The following BLTP1 variants were observed in gnomAD, a reference collection of about 807,000 sequenced individuals.
BLTP1 encodes fragile site-associated protein.
the BLTP1 span, among the ~76,000 whole-genome samples, chr4:122,230,887 T>C: frequency 8.5e-5 from 13 of 152,290 alleles, no homozygotes; most frequent in African/African-American, 3.1e-4. Flanking sequence ...GATTTTGCTG[T>C]ATTTTTTTAA....
chr4:122,182,788 T>C, the BLTP1 span: 1 of 985,250 alleles, frequency 1.0e-6, no homozygotes, highest in Non-Finnish European at 1.2e-6. Context: ...ATGCATCTGC[T>C]CTACCAAATC....
At chr4:122,200,548 C>CA in the BLTP1 span, 1 of 952,376 alleles carries the variant, frequency 1.1e-6, no homozygotes, top group Middle Eastern at 5.7e-4. Flanking sequence ...CACTGCACTC[C>CA]AGCTTGGGCA....
At chr4:122,175,086 A>C in the BLTP1 span, 1 of 957,592 alleles carries the variant, frequency 1.0e-6, no homozygotes, top group Non-Finnish European at 1.2e-6. Context: ...ACAAATATGA[A>C]TATAATAAGG....
the BLTP1 span, chr4:122,208,271 G>A: frequency 1.6e-6 from 1 of 640,260 alleles, no homozygotes; most frequent in Non-Finnish European, 1.9e-6. Flanking sequence ...TATACATTAG[G>A]AAAGTGAGGA....
At chr4:122,278,171 A>T in the BLTP1 span, among the ~76,000 whole-genome samples, 2 of 152,152 alleles carry the variant, frequency 1.3e-5, no homozygotes, top group Middle Eastern at 3.2e-3. Flanking sequence ...GGAATTAAAG[A>T]TATAAAAAAA....
the BLTP1 span, chr4:122,316,537 T>A: frequency 1.5e-6 from 1 of 645,712 alleles, no homozygotes; most frequent in East Asian, 4.3e-5. Context: ...CAGAGCACAC[T>A]CATGGGGAAA....
At chr4:122,156,528 C>T in the BLTP1 span, among the ~76,000 whole-genome samples, 1 of 152,138 alleles carries the variant, frequency 6.6e-6, no homozygotes, top group South Asian at 2.1e-4. Flanking sequence ...CTTAAGAAAT[C>T]GTTGATGACC....
chr4:122,342,518 G>A, the BLTP1 span, among the ~76,000 whole-genome samples: 7 of 151,970 alleles, frequency 4.6e-5, no homozygotes, highest in Non-Finnish European at 1.0e-4. Flanking sequence ...ACCACGCCCG[G>A]CTAGTTTTTG....
the BLTP1 span, chr4:122,357,027 A>G: frequency 1.0e-6 from 1 of 984,050 alleles, no homozygotes; most frequent in South Asian, 4.7e-5. Flanking sequence ...CTTGAAAAAT[A>G]GGAAAATGTG....
the BLTP1 span, among the ~76,000 whole-genome samples, chr4:122,267,345 C>T: frequency 6.6e-6 from 1 of 151,982 alleles, no homozygotes; most frequent in Admixed American, 6.5e-5. Flanking sequence ...AGGCGTGAGC[C>T]ATCGTGCCCA....
chr4:122,295,653 C>G, the BLTP1 span, among the ~76,000 whole-genome samples: 2 of 152,080 alleles, frequency 1.3e-5, no homozygotes, highest in African/African-American at 4.8e-5. Flanking sequence ...AAGAAAACTT[C>G]AGGCCAATAT....
the BLTP1 span, chr4:122,325,686 TAGC>T: frequency 1.0e-6 from 1 of 965,454 alleles, no homozygotes; most frequent in South Asian, 1.7e-5. Flanking sequence ...TATTTATAGA[TAGC>T]AGAAATTAGA....
At chr4:122,271,347 T>C in the BLTP1 span, 1 of 1,613,826 alleles carries the variant, frequency 6.2e-7, no homozygotes, top group South Asian at 1.1e-5. Context: ...ACACCTACCT[T>C]CAAAACCAGA....
the BLTP1 span, chr4:122,182,944 T>G: frequency 1.0e-6 from 1 of 978,256 alleles, no homozygotes; most frequent in African/African-American, 1.7e-5. Context: ...CTTGGGTCAC[T>G]TATTCTTGAC....
the BLTP1 span, among the ~76,000 whole-genome samples, chr4:122,233,380 G>A: frequency 1.3e-5 from 2 of 152,204 alleles, no homozygotes; most frequent in African/African-American, 4.8e-5. Context: ...GAGGCTCAGA[G>A]ATGTTAACTT....
chr4:122,343,648 G>A, the BLTP1 span: 1 of 1,599,022 alleles, frequency 6.3e-7, no homozygotes. Context: ...CAGATTTACA[G>A]CATCTTTTCA....
chr4:122,218,556 C>A, the BLTP1 span, among the ~76,000 whole-genome samples: 1 of 152,098 alleles, frequency 6.6e-6, no homozygotes, highest in Non-Finnish European at 1.5e-5. Context: ...TTGTCAATAA[C>A]CAAAGTGCAG....
At chr4:122,177,312 T>A in the BLTP1 span, among the ~76,000 whole-genome samples, 2 of 152,150 alleles carry the variant, frequency 1.3e-5, no homozygotes, top group African/African-American at 2.4e-5. Flanking sequence ...TCCAACTACT[T>A]CTCCCCACAC....
chr4:122,314,761 T>A, the BLTP1 span, among the ~76,000 whole-genome samples: 2 of 152,146 alleles, frequency 1.3e-5, no homozygotes, highest in Non-Finnish European at 2.9e-5. Flanking sequence ...AAATAAATCT[T>A]CGTCAGGACT....
Sources: gnomAD v4.1 joint callset for allele counts (sites outside exome capture counted in the v4.1 genomes callset) on GRCh38, gnomAD v4.1.1 for gene constraint, MANE v1.5 for transcripts, NCBI Gene and HGNC (gene_info 2026-07-23, HGNC 2026-07-21) for gene names.